NR3C1: variants seen among roughly 807,000 people sequenced by gnomAD.
The protein encoded by NR3C1 is glucocorticoid receptor.
Under a neutral mutation model 74.0 loss-of-function variants are expected in NR3C1, and 14 were observed. The ratio of observed to expected loss-of-function variants is 0.19; its 90% CI spans 0.12 to 0.30. NR3C1 has a LOEUF of 0.30. Among genes scored for constraint, NR3C1 ranks in the 10% least tolerant of loss-of-function variants. The pLI is 1.00. For synonymous variants in NR3C1, 308 were observed against 332.5 expected (o/e 0.93, Z 0.80); for missense variants, 695 against 909.8 (o/e 0.76, Z 3.04).
chr5:143,363,414 G>A (rs1187367497), intron 2 of NR3C1, among the ~76,000 whole-genome samples: 2 of 152,028 alleles, frequency 1.3e-5, no homozygotes, highest in African/African-American at 2.4e-5. Context: ...CACAGGAAAA[G>A]AAAGAAAGAA....
intron 1 of NR3C1, among the ~76,000 whole-genome samples, chr5:143,414,935 G>A (rs1475160945): frequency 6.6e-6 from 1 of 152,164 alleles, no homozygotes; most frequent in African/African-American, 2.4e-5. Context: ...GGGTGAGGAG[G>A]TTATGAGTTA....
In NR3C1 at chr5:143,291,234, A is replaced by AT. The variant is rs553159457; in HGVS notation, c.2023+4225dup. Among the ~76,000 whole-genome samples the AT allele has an allele frequency of 7.9e-5, 12 of 151,608 alleles. 2 individuals carry two copies. The South Asian group carries it at 2.3e-3, about 29-fold the overall frequency. On this transcript the variant is annotated intron_variant, in intron 7 of 8. Coordinates refer to ENST00000394464, the MANE Select transcript of NR3C1 (RefSeq NM_000176.3). ...TCTTAAAGATGGGATTACTTTTATT[A>AT]TTTTTTTTCTAAGATGGAGTCTCCC... is the stretch of plus-strand genomic sequence containing the variant.
intron 2 of NR3C1, among the ~76,000 whole-genome samples, chr5:143,376,738 G>A (rs999731704): frequency 1.3e-5 from 2 of 152,130 alleles, no homozygotes; most frequent in African/African-American, 4.8e-5. Context: ...TTAAATGGGG[G>A]TAAGAGCAGG....
At chr5:143,333,789 C>T (rs1467209945) in intron 2 of NR3C1, among the ~76,000 whole-genome samples, 1 of 152,030 alleles carries the variant, frequency 6.6e-6, no homozygotes, top group Non-Finnish European at 1.5e-5. Flanking sequence ...AACAAACAAA[C>T]AAACAAACAA....
At chr5:143,385,660 A>G (rs920411376) in intron 2 of NR3C1, among the ~76,000 whole-genome samples, 2 of 152,256 alleles carry the variant, frequency 1.3e-5, no homozygotes, top group African/African-American at 2.4e-5. Flanking sequence ...AAGCAAAGCA[A>G]AAGTGAACTT....
intron 1 of NR3C1, among the ~76,000 whole-genome samples, chr5:143,412,797 T>C (rs572689903): frequency 6.6e-6 from 1 of 152,300 alleles, no homozygotes; most frequent in Non-Finnish European, 1.5e-5. Context: ...TCACCCACCC[T>C]TTCAACCCTA....
chr5:143,402,396 T>G (rs1840460081), intron 1 of NR3C1, among the ~76,000 whole-genome samples: 1 of 152,196 alleles, frequency 6.6e-6, no homozygotes, highest in Non-Finnish European at 1.5e-5. Flanking sequence ...AGGTTGCAAT[T>G]ATCAAGTCTG....
At chr5:143,428,096 G>A (rs984520301) in intron 1 of NR3C1, among the ~76,000 whole-genome samples, 1 of 152,146 alleles carries the variant, frequency 6.6e-6, no homozygotes, top group African/African-American at 2.4e-5. Context: ...CTTAGTGTAA[G>A]TCTTATAGGA....
chr5:143,383,844 A>G (rs566246106), intron 2 of NR3C1, among the ~76,000 whole-genome samples: 48 of 152,372 alleles, frequency 3.2e-4, no homozygotes, highest in African/African-American at 1.1e-3. Flanking sequence ...GACTTGCCAT[A>G]ATCCTCGAAA....
chr5:143,288,129 T>C (rs992129761), intron 7 of NR3C1, among the ~76,000 whole-genome samples: 3 of 151,972 alleles, frequency 2.0e-5, no homozygotes, highest in Admixed American at 6.6e-5. Flanking sequence ...TTTTTTTTTT[T>C]TTTTTTGGAG....
At position 143,349,908 on chromosome 5, in the gene NR3C1, G is replaced by A. The variant is rs1362210915; in HGVS notation, c.1185-35740C>T. 7.2e-5 allele frequency among the ~76,000 whole-genome samples: 11 copies of A among 152,168 alleles called. No individual in the cohort carries two copies. The South Asian group carries it at 2.1e-3, about 29-fold the overall frequency. ...CTGAAGAGGGATATCTAACCCAAAC[G>A]TGGGAGATCAAGAATGGGCCTGCAT... On this transcript the variant is annotated intron_variant, in intron 2 of 8. Coordinates refer to ENST00000394464, the MANE Select transcript of NR3C1 (RefSeq NM_000176.3).
At chr5:143,347,579 G>T (rs374689432) in intron 2 of NR3C1, among the ~76,000 whole-genome samples, 4 of 152,322 alleles carry the variant, frequency 2.6e-5, no homozygotes, top group African/African-American at 9.6e-5. Context: ...TAGAACTGGA[G>T]ATTGCCAAGG....
intron 2 of NR3C1, among the ~76,000 whole-genome samples, chr5:143,329,229 A>G (rs1825357772): frequency 6.6e-6 from 1 of 152,210 alleles, no homozygotes; most frequent in South Asian, 2.1e-4. Flanking sequence ...GAGAGAAAGC[A>G]CAGGGGAAAC....
chr5:143,328,287 G>A (rs1346100910), intron 2 of NR3C1, among the ~76,000 whole-genome samples: 2 of 152,224 alleles, frequency 1.3e-5, no homozygotes, highest in African/African-American at 4.8e-5. Flanking sequence ...AGGCTGTACA[G>A]AGCAGCAAGG....
At chr5:143,299,821 T>G (rs912557469) in intron 5 of NR3C1, among the ~76,000 whole-genome samples, 5 of 152,230 alleles carry the variant, frequency 3.3e-5, no homozygotes, top group Non-Finnish European at 7.3e-5. Context: ...TTTGCCCTGC[T>G]ATTCACACCT....
Position 143,284,524 on chromosome 5 carries a change from TTATAGTTTTTTTCCCTGCCG to T in NR3C1, c.2024-1819_2024-1800del, listed in dbSNP as rs199902831. On this transcript the variant is annotated intron_variant, in intron 7 of 8. Coordinates refer to ENST00000394464, the MANE Select transcript of NR3C1 (RefSeq NM_000176.3). ...TGCAAAATTGTAAAACAGCGATGGC[TTATAGTTTTTTTCCCTGCCG>T]TATAGTTTTTTTCCCTGCCGGTTAG... 2.2e-3 allele frequency among the ~76,000 whole-genome samples: 301 copies of T among 138,748 alleles called. 4 individuals are homozygous for T. The East Asian group carries it at 0.022, about 10-fold the overall frequency. 91.0% of individuals were successfully genotyped at this position (138,748 alleles called of 152,430 possible).
At chr5:143,357,178 G>A (rs1831297810) in intron 2 of NR3C1, among the ~76,000 whole-genome samples, 1 of 152,062 alleles carries the variant, frequency 6.6e-6, no homozygotes, top group Non-Finnish European at 1.5e-5. Flanking sequence ...TAGTGTATTT[G>A]CCACAGGAAA....
chr5:143,401,699 C>G (rs1443502403), intron 1 of NR3C1, among the ~76,000 whole-genome samples: 2 of 152,210 alleles, frequency 1.3e-5, no homozygotes, highest in Non-Finnish European at 2.9e-5. Context: ...GTTTACATTG[C>G]TTGAGATCCT....
upstream of NR3C1, chr5:143,404,463 C>G: frequency 1.0e-6 from 1 of 985,330 alleles, no homozygotes; most frequent in Non-Finnish European, 1.2e-6. Flanking sequence ...CCGCCGCGCT[C>G]TCGCACTGGG....
Sources: allele counts gnomAD v4.1 joint callset (sites outside exome capture counted in the v4.1 genomes callset), GRCh38; gene constraint gnomAD v4.1.1; transcripts MANE v1.5; gene names NCBI Gene and HGNC (gene_info 2026-07-23, HGNC 2026-07-21).